Variants in TMX3 observed in about 807,000 individuals in gnomAD.
The protein encoded by TMX3 is protein disulfide-isomerase TMX3.
Under a neutral mutation model 64.4 loss-of-function variants are expected in TMX3, and 40 were observed. The ratio of observed to expected loss-of-function variants is 0.62; its 90% CI spans 0.48 to 0.81. TMX3 has a LOEUF of 0.81. Among genes scored for constraint, TMX3 ranks in the 30% least tolerant of loss-of-function variants. The pLI, the probability that TMX3 is intolerant of heterozygous loss-of-function variation, is 0.00. For missense variants in TMX3, 497 were observed against 534.5 expected, an observed-to-expected ratio of 0.93 and a Z score of 0.69; for synonymous variants, 189 against 175.7, an observed-to-expected ratio of 1.08 and a Z score of -0.60.
intron 4 of TMX3, among the ~76,000 whole-genome samples, chr18:68,708,145 A>G (rs1374769342): frequency 6.6e-6 from 1 of 152,008 alleles, no homozygotes; most frequent in Non-Finnish European, 1.5e-5. Flanking sequence ...GTGGAAAACG[A>G]TAACTTCTTA....
chr18:68,686,859 C>T (rs768615883), intron 10 of TMX3: 11 of 984,976 alleles, frequency 1.1e-5, no homozygotes, highest in African/African-American at 3.5e-5. Flanking sequence ...AGGAACAGAA[C>T]AGAAATATCC....
At chr18:68,681,482 CTT>C (rs1364413510) in intron 13 of TMX3, 7 of 983,838 alleles carry the variant, frequency 7.1e-6, no homozygotes, top group South Asian at 9.4e-5. Flanking sequence ...CTTTTTTTCT[CTT>C]GATTCTTCAT....
At chr18:68,700,013 T>C (rs1915510192) in intron 6 of TMX3, among the ~76,000 whole-genome samples, 1 of 152,146 alleles carries the variant, frequency 6.6e-6, no homozygotes, top group South Asian at 2.1e-4. Flanking sequence ...CCCAAGTCTG[T>C]TCAGAACAAT....
In TMX3 at chr18:68,710,130, C is replaced by A; in HGVS notation, c.156G>T (p.Trp52Cys). 1 of 1,564,450 alleles carries A rather than the reference C, an allele frequency of 6.4e-7. No individual in the cohort carries two copies. Among genetic ancestry groups the A allele is most frequent in the Non-Finnish European group, 8.6e-7 (1 of 1,160,226 alleles). The change falls in exon 4 of 16, where the codon TGG (tryptophan) becomes TGT (cysteine). Residue 52 changes from tryptophan (W) to cysteine (C), a missense_variant. Physicochemically the swap from Trp to Cys is radical, Grantham distance 215. This residue lies in a region of TMX3 where 360 missense variants were observed against 383.5 expected (regional missense o/e 0.94). Coordinates refer to ENST00000299608, the MANE Select transcript of TMX3 (RefSeq NM_019022.5). ...GTTCCAGCTTTTTACAATGGCCACA[C>A]CATGGCGCATAAAACTTGTTTTAAA... ...DIWLVDFYAP[W>C]CGHCKKLEPI... is the part of the protein sequence containing the mutation.
At chr18:68,706,038 C>T (rs1194594921) in intron 4 of TMX3, among the ~76,000 whole-genome samples, 3 of 152,226 alleles carry the variant, frequency 2.0e-5, no homozygotes, top group Non-Finnish European at 4.4e-5. Context: ...TAACATTCTA[C>T]ACTTTGTGGT....
intron 4 of TMX3, among the ~76,000 whole-genome samples, chr18:68,703,786 C>G (rs1008004437): frequency 3.3e-5 from 5 of 151,866 alleles, no homozygotes; most frequent in Admixed American, 1.3e-4. Flanking sequence ...AAAAATTAGT[C>G]GCGCGCGGTG....
intron 4 of TMX3, among the ~76,000 whole-genome samples, chr18:68,703,727 AAGAC>A (rs761867353): frequency 1.3e-5 from 2 of 152,158 alleles, no homozygotes; most frequent in Non-Finnish European, 2.9e-5. Flanking sequence ...TCAGGAGATC[AAGAC>A]TGTCCTGGCT....
At chr18:68,688,206 A>C (rs1283542808) in intron 9 of TMX3, among the ~76,000 whole-genome samples, 1 of 152,186 alleles carries the variant, frequency 6.6e-6, no homozygotes, top group Non-Finnish European at 1.5e-5. Context: ...GAAGTCAGTT[A>C]TTCCTAAATG....
Position 68,702,175 on chromosome 18 carries a change from C to CAAAAAAAAAAAA in TMX3, c.266-397_266-386dup, listed in dbSNP as rs375234012. 1.8e-4 allele frequency among the ~76,000 whole-genome samples: 8 copies of CAAAAAAAAAAAA among 44,058 alleles called. 2 individuals are homozygous for CAAAAAAAAAAAA. The highest frequency in any genetic ancestry group is 6.1e-4 in the African/African-American group (8 of 13,210). The allele number at this position is 44,058 out of a possible 152,430, so 28.9% of individuals were successfully genotyped here. A position where few individuals can be genotyped will look rare whatever the true frequency, so the allele number is the denominator to read the frequency against. On this transcript the variant is annotated intron_variant, in intron 4 of 15. Coordinates refer to ENST00000299608, the MANE Select transcript of TMX3 (RefSeq NM_019022.5). The stretch of plus-strand genomic sequence containing the variant: ...TCTTCTAGGTCTCATTTACTCCTCT[C>CAAAAAAAAAAAA]AAAAAAAAAAAAAAAAAAAAAAAAA...
intron 3 of TMX3, among the ~76,000 whole-genome samples, chr18:68,710,703 C>T (rs1394811192): frequency 1.3e-5 from 2 of 152,150 alleles, no homozygotes; most frequent in African/African-American, 2.4e-5. Context: ...GGAGGTGATA[C>T]TCAGGTTCCC....
intron 3 of TMX3, among the ~76,000 whole-genome samples, chr18:68,710,996 A>C (rs1269746128): frequency 6.6e-6 from 1 of 152,210 alleles, no homozygotes; most frequent in African/African-American, 2.4e-5. Flanking sequence ...ACTTTGACTA[A>C]GTGATATTAA....
intron 4 of TMX3, 86 bp from the exon 5 acceptor site, chr18:68,701,876 G>C (rs2030117789): frequency 9.0e-7 from 1 of 1,108,242 alleles, no homozygotes; most frequent in East Asian, 2.5e-5. Context: ...TTTAAAAATA[G>C]AGATATTTAT....
intron 2 of TMX3, 57 bp from the exon 3 acceptor site, chr18:68,711,460 A>G: frequency 7.9e-7 from 1 of 1,267,058 alleles, no homozygotes; most frequent in East Asian, 2.4e-5. Context: ...TTACAACTGT[A>G]TAGTATAGGC....
At chr18:68,701,893 CAT>C in intron 4 of TMX3, 103 bp from the exon 5 acceptor site, 1 of 818,890 alleles carries the variant, frequency 1.2e-6, no homozygotes, top group Non-Finnish European at 1.9e-6. Context: ...TTATACAACC[CAT>C]ATAGATACGT....
chr18:68,686,439 G>A (rs7243526), intron 10 of TMX3, among the ~76,000 whole-genome samples: 40,771 of 152,102 alleles, frequency 0.27, 6,849 homozygotes, highest in East Asian at 0.4. Context: ...GTCTGGGCAC[G>A]GTGGCTCACG....
intron 4 of TMX3, among the ~76,000 whole-genome samples, chr18:68,704,072 C>A (rs770201977): frequency 6.6e-5 from 10 of 152,122 alleles, no homozygotes; most frequent in African/African-American, 4.8e-5. Context: ...TCTGATTCCC[C>A]TTCTGAGAAT....
At chr18:68,678,466 G>A (rs1246891630) in intron 15 of TMX3, among the ~76,000 whole-genome samples, 8 of 152,076 alleles carry the variant, frequency 5.3e-5, no homozygotes, top group Non-Finnish European at 1.2e-4. Flanking sequence ...AAGGGGAAAG[G>A]GAGGAAAGGG....
rs771018790 is a variant in TMX3 at position 68,677,217 on chromosome 18, A to G, written c.1105-24T>C. On this transcript the variant is annotated intron_variant, in intron 15 of 15. Transcript: ENST00000299608. Reference sequence around the variant, plus strand: ...GACTGTGGAAAGAGAATTAAAACTCAGTTCCCTTCACATGTAATTCTGATA... The same window carrying G: ...GACTGTGGAAAGAGAATTAAAACTCGGTTCCCTTCACATGTAATTCTGATA... 2.5e-6 allele frequency: 4 copies of G among 1,601,652 alleles called. No homozygotes were observed. The South Asian group carries it at 4.5e-5, about 18-fold the overall frequency.
intron 2 of TMX3, among the ~76,000 whole-genome samples, chr18:68,711,678 T>C (rs1201381256): frequency 6.6e-6 from 1 of 152,194 alleles, no homozygotes; most frequent in African/African-American, 2.4e-5. Context: ...CCTAAGCTCC[T>C]TGCCCTTCTA....
Sources: gnomAD v4.1 joint callset for allele counts (sites outside exome capture counted in the v4.1 genomes callset) on GRCh38, gnomAD v4.1.1 for gene constraint, gnomAD v4.1.1 regional missense constraint, MANE v1.5 for transcripts, NCBI Gene and HGNC (gene_info 2026-07-23, HGNC 2026-07-21) for gene names.